ST6GALNAC3: variants seen among roughly 807,000 people sequenced by gnomAD.
The protein encoded by ST6GALNAC3 is alpha-N-acetylgalactosaminide alpha-2,6-sialyltransferase 3.
ST6GALNAC3 carries 25 observed loss-of-function variants against 32.7 expected under a neutral mutation model. The observed-to-expected ratio is 0.76, with a 90% CI of 0.56 to 1.07. The LOEUF (loss-of-function observed/expected upper bound fraction) is 1.07. ST6GALNAC3 is among the 50% of genes least tolerant of loss of function. ST6GALNAC3 has a pLI of 0.00. For missense variants in ST6GALNAC3, 355 were observed against 382.4 expected, an observed-to-expected ratio of 0.93 and a Z score of 0.60; for synonymous variants, 129 against 133.1, an observed-to-expected ratio of 0.97 and a Z score of 0.21.
rs574412236 is a variant in ST6GALNAC3, at chr1:76,318,346, A to G, written c.213+4347A>G. Among the ~76,000 whole-genome samples, 6 of 152,236 alleles carry G rather than the reference A, an allele frequency of 3.9e-5. No homozygotes were observed. The South Asian group carries it at 6.2e-4, about 16-fold the overall frequency. On this transcript the variant is annotated intron_variant, in intron 2 of 4. Coordinates refer to ENST00000328299, the MANE Select transcript of ST6GALNAC3 (RefSeq NM_152996.4). ...ACCCAGTCTCCCCTTCACTTTCTCA[A>G]TGAGTGTAAGCTAAGGTTCTTTTCT...
intron 2 of ST6GALNAC3, among the ~76,000 whole-genome samples, chr1:76,365,811 T>G (rs914208598): frequency 9.2e-5 from 14 of 152,212 alleles, no homozygotes; most frequent in Non-Finnish European, 1.6e-4. Flanking sequence ...TTCTGAAGAT[T>G]AGATTCATTA....
chr1:76,593,516 G>T (rs315044), intron 3 of ST6GALNAC3, among the ~76,000 whole-genome samples: 25,929 of 152,104 alleles, frequency 0.17, 3,097 homozygotes, highest in African/African-American at 0.34. Flanking sequence ...GGACAGGGCA[G>T]AATTTTGAGA....
intron 3 of ST6GALNAC3, among the ~76,000 whole-genome samples, chr1:76,426,111 A>C (rs6593537): frequency 0.92 from 139,754 of 151,760 alleles, 64,450 homozygotes; most frequent in African/African-American, 0.97. Flanking sequence ...GTCGCCTTAT[A>C]AGAGAGCCCT....
intron 3 of ST6GALNAC3, among the ~76,000 whole-genome samples, chr1:76,481,045 CT>C (rs1659690115): frequency 6.6e-6 from 1 of 152,112 alleles, no homozygotes; most frequent in Non-Finnish European, 1.5e-5. Context: ...CATACAGTAA[CT>C]GTGTATCTAT....
At chr1:76,277,204 T>G (rs1278917516) in intron 1 of ST6GALNAC3, among the ~76,000 whole-genome samples, 3 of 152,152 alleles carry the variant, frequency 2.0e-5, no homozygotes, top group Non-Finnish European at 4.4e-5. Flanking sequence ...GTTGTCTTAT[T>G]TTTAAAATTA....
chr1:76,282,748 G>A (rs766267397), intron 1 of ST6GALNAC3, among the ~76,000 whole-genome samples: 6 of 151,976 alleles, frequency 3.9e-5, no homozygotes, highest in Non-Finnish European at 7.4e-5. Flanking sequence ...TACTTCCCCA[G>A]CCAGATGCAG....
intron 3 of ST6GALNAC3, among the ~76,000 whole-genome samples, chr1:76,583,675 C>T (rs1646922629): frequency 1.3e-5 from 2 of 152,172 alleles, no homozygotes; most frequent in Non-Finnish European, 2.9e-5. Context: ...CTCATCTTTA[C>T]AGGAACTATG....
rs766893461 is a variant in ST6GALNAC3 at position 76,100,039 on chromosome 1, A to T, written c.18+25155A>T. Among the ~76,000 whole-genome samples, 60 of 152,250 alleles carry T rather than the reference A, an allele frequency of 3.9e-4. 3 individuals are homozygous for T. The highest frequency in any genetic ancestry group is 1.2e-3 in the African/African-American group (51 of 41,576). On this transcript the variant is annotated intron_variant, in intron 1 of 4. Coordinates refer to ENST00000328299, the MANE Select transcript of ST6GALNAC3 (RefSeq NM_152996.4). ...ATGATACAATGGAAATTAAAAAATT[A>T]AATTTAATTTTGTTTATAGCTGGTT...
intron 3 of ST6GALNAC3, among the ~76,000 whole-genome samples, chr1:76,594,131 CTA>C (rs1255032289): frequency 3.3e-5 from 5 of 151,984 alleles, no homozygotes; most frequent in Admixed American, 2.6e-4. Flanking sequence ...AGTCATATGA[CTA>C]TGTGATTTTA....
intron 3 of ST6GALNAC3, among the ~76,000 whole-genome samples, chr1:76,557,984 TG>T (rs1665027139): frequency 6.6e-6 from 1 of 152,110 alleles, no homozygotes; most frequent in African/African-American, 2.4e-5. Flanking sequence ...GGAGCTATGG[TG>T]GTTCCCAAAT....
intron 1 of ST6GALNAC3, chr1:76,310,067 A>G (rs931543507): frequency 3.1e-5 from 14 of 454,176 alleles, no homozygotes; most frequent in Non-Finnish European, 4.9e-5. Context: ...AATGCAATAT[A>G]GCAACCAAGA....
At chr1:76,179,758 C>G (rs664935) in intron 1 of ST6GALNAC3, among the ~76,000 whole-genome samples, 1 of 152,212 alleles carries the variant, frequency 6.6e-6, no homozygotes, top group Non-Finnish European at 1.5e-5. Flanking sequence ...TTCAGTCACT[C>G]TGCTCTGGCC....
chr1:76,249,184 C>T (rs746345192), intron 1 of ST6GALNAC3, among the ~76,000 whole-genome samples: 7 of 152,178 alleles, frequency 4.6e-5, no homozygotes, highest in Non-Finnish European at 8.8e-5. Flanking sequence ...GTTGTGCAAA[C>T]GTCTCCACTC....
At chr1:76,143,008 T>A (rs1650431099) in intron 1 of ST6GALNAC3, 1 of 336,840 alleles carries the variant, frequency 3.0e-6, no homozygotes, top group Admixed American at 4.3e-5. Flanking sequence ...AAAGGAGGGA[T>A]TACTTTCTTA....
chr1:76,093,271 A>G (rs1344648364), intron 1 of ST6GALNAC3, among the ~76,000 whole-genome samples: 1 of 152,236 alleles, frequency 6.6e-6, no homozygotes, highest in Non-Finnish European at 1.5e-5. Flanking sequence ...TGCCTGTCTC[A>G]ATGCTGTGTG....
intron 2 of ST6GALNAC3, among the ~76,000 whole-genome samples, chr1:76,342,982 T>A (rs1648182880): frequency 6.6e-6 from 1 of 152,200 alleles, no homozygotes; most frequent in South Asian, 2.1e-4. Context: ...TAGCCCTTTG[T>A]CAGATGCATA....
At chr1:76,520,868 A>C (rs1280415192) in intron 3 of ST6GALNAC3, among the ~76,000 whole-genome samples, 1 of 152,134 alleles carries the variant, frequency 6.6e-6, no homozygotes, top group Admixed American at 6.5e-5. Context: ...AAATTTTAAA[A>C]ATTAGCTTGA....
chr1:76,591,818 G>A (rs1418357130), intron 3 of ST6GALNAC3, among the ~76,000 whole-genome samples: 3 of 152,146 alleles, frequency 2.0e-5, no homozygotes, highest in African/African-American at 4.8e-5. Flanking sequence ...TAAGAAGGAC[G>A]TTCCAGAAGA....
chr1:76,188,026 A>G (rs921765104), intron 1 of ST6GALNAC3, among the ~76,000 whole-genome samples: 1 of 152,198 alleles, frequency 6.6e-6, no homozygotes, highest in Non-Finnish European at 1.5e-5. Flanking sequence ...CAAAGAAAGG[A>G]GCAGTCATGA....
Sources: gnomAD v4.1 joint callset for allele counts (sites outside exome capture counted in the v4.1 genomes callset) on GRCh38, gnomAD v4.1.1 for gene constraint, MANE v1.5 for transcripts, NCBI Gene and HGNC (gene_info 2026-07-23, HGNC 2026-07-21) for gene names.